Variants in SIDT1 observed in about 807,000 individuals in gnomAD.
SIDT1 encodes SID1 transmembrane family member 1, also known as SID1 transmembrane family, member 1.
In SIDT1, 101 loss-of-function variants were observed where a neutral mutation model predicts 107.5. That is an observed-to-expected ratio of 0.94 (90% CI 0.80 to 1.11). SIDT1 has a LOEUF of 1.11. SIDT1 is among the 50% of genes least tolerant of loss of function. The probability of loss-of-function intolerance (pLI) is 0.00; values close to 1 mark genes in which losing one functional copy is unlikely to be tolerated. For missense variants in SIDT1, 1,076 were observed against 1,058.2 expected, an observed-to-expected ratio of 1.02 and a Z score of -0.23; for synonymous variants, 395 against 398.2, an observed-to-expected ratio of 0.99 and a Z score of 0.10.
At chr3:113,614,304 C>T (rs566631982) in intron 19 of SIDT1, among the ~76,000 whole-genome samples, 3 of 152,282 alleles carry the variant, frequency 2.0e-5, no homozygotes, top group African/African-American at 4.8e-5. Context: ...CACACAGGCC[C>T]GCCTCCCCAG....
chr3:113,572,617 T>C (rs1240221580), intron 3 of SIDT1, among the ~76,000 whole-genome samples: 1 of 152,192 alleles, frequency 6.6e-6, no homozygotes, highest in Non-Finnish European at 1.5e-5. Flanking sequence ...AATGAAAAGT[T>C]ATCTGAATGG....
chr3:113,570,443 G>A (rs1285804119), intron 3 of SIDT1, among the ~76,000 whole-genome samples: 1 of 141,826 alleles, frequency 7.1e-6, no homozygotes, highest in East Asian at 2.5e-4. Context: ...TGTAGGAATG[G>A]TCTTCTGTAA....
chr3:113,636,200 T>C, the SIDT1 span, among the ~76,000 whole-genome samples: 2 of 151,442 alleles, frequency 1.3e-5, no homozygotes, highest in South Asian at 2.1e-4. Flanking sequence ...AGGTCAGGAG[T>C]TTGAGCCCAG....
intron 2 of SIDT1, 127 bp downstream of exon 2, chr3:113,566,668 G>C: frequency 9.5e-7 from 1 of 1,054,882 alleles, no homozygotes; most frequent in South Asian, 1.5e-5. Context: ...TTCTGCATAC[G>C]GGGTGCAAAT....
At chr3:113,615,405 A>G (rs1393480064) in intron 19 of SIDT1, among the ~76,000 whole-genome samples, 1 of 152,164 alleles carries the variant, frequency 6.6e-6, no homozygotes, top group Non-Finnish European at 1.5e-5. Flanking sequence ...CTGGCATTCG[A>G]TATCTGTGGT....
intron 24 of SIDT1, among the ~76,000 whole-genome samples, chr3:113,627,339 C>T (rs924343099): frequency 3.9e-5 from 6 of 152,192 alleles, no homozygotes; most frequent in African/African-American, 7.2e-5. Context: ...ATTTGTTTCA[C>T]GTCTAAAGCC....
rs557429391 is a variant in SIDT1, at chr3:113,603,357, A to G, written c.1263+207A>G. Reference sequence around the variant, plus strand: ...TCTCGCGGAAGAAAGTGAGCACATTAAAGAGCACAGGGCATTAAAACACTC... The same window carrying G: ...TCTCGCGGAAGAAAGTGAGCACATTGAAGAGCACAGGGCATTAAAACACTC... On this transcript the variant is annotated intron_variant, in intron 12 of 24. Coordinates refer to ENST00000264852, the MANE Select transcript of SIDT1 (RefSeq NM_017699.3). 2.6e-5 allele frequency among the ~76,000 whole-genome samples: 4 copies of G among 152,286 alleles called. No individual in the cohort carries two copies. The South Asian group carries it at 8.3e-4, about 32-fold the overall frequency.
intron 4 of SIDT1, among the ~76,000 whole-genome samples, chr3:113,578,941 C>T (rs1943125078): frequency 6.6e-6 from 1 of 152,160 alleles, no homozygotes; most frequent in Non-Finnish European, 1.5e-5. Context: ...AAACAAGTTC[C>T]TTGATATCTA....
At chr3:113,599,679 T>C (rs1172152325) in intron 10 of SIDT1, among the ~76,000 whole-genome samples, 1 of 152,146 alleles carries the variant, frequency 6.6e-6, no homozygotes, top group Non-Finnish European at 1.5e-5. Flanking sequence ...TGAAATCTTT[T>C]AAAAAGTAAA....
chr3:113,561,028 T>C (rs1000537540), intron 1 of SIDT1, among the ~76,000 whole-genome samples: 1 of 152,224 alleles, frequency 6.6e-6, no homozygotes, highest in African/African-American at 2.4e-5. Context: ...AAAGTGTTCT[T>C]GTTGTCATGA....
chr3:113,562,383 T>C (rs534462450), intron 1 of SIDT1, among the ~76,000 whole-genome samples: 1 of 152,174 alleles, frequency 6.6e-6, no homozygotes, highest in African/African-American at 2.4e-5. Flanking sequence ...CCCAAAAGAA[T>C]TGAAAATATA....
At position 113,566,743 on chromosome 3, in the gene SIDT1, G is replaced by T. The variant is rs373917459; in HGVS notation, c.344+202G>T. ...AATTATTAGATGAGCACTCTACCTA[G>T]ATTGGCCACACCTAGAAGAGCTTTT... On this transcript the variant is annotated intron_variant, in intron 2 of 24. Coordinates refer to ENST00000264852, the MANE Select transcript of SIDT1 (RefSeq NM_017699.3). Among the ~76,000 whole-genome samples, 4 of 152,152 alleles carry T rather than the reference G, an allele frequency of 2.6e-5. No individual in the cohort carries two copies. The South Asian group carries it at 8.3e-4, about 31-fold the overall frequency.
intron 21 of SIDT1, among the ~76,000 whole-genome samples, chr3:113,622,413 G>A (rs1255618666): frequency 1.5e-5 from 2 of 137,784 alleles, no homozygotes; most frequent in East Asian, 2.2e-4. Context: ...GCAGTGAGCC[G>A]AGATGGTGCC....
At position 113,608,137 on chromosome 3, in the gene SIDT1, G is replaced by A; in HGVS notation, c.1522G>A (p.Gly508Ser). Residue 508 changes from glycine to serine, a missense_variant, in exon 16 of 25, where the codon GGC becomes AGC. By Grantham distance (56) the Gly-to-Ser change is moderately conservative (BLOSUM62 0). Coordinates refer to ENST00000264852, the MANE Select transcript of SIDT1 (RefSeq NM_017699.3). ...CAGCAATCTGGGCCACGTGCTTCTG[G>A]GCTTCCTCTTCCTGCTGATAGTCTT... ...ILSNLGHVLL[G>S]FLFLLIVLRR... 1.2e-6 allele frequency: 2 copies of A among 1,612,240 alleles called. No individual in the cohort carries two copies. Among genetic ancestry groups the A allele is most frequent in the Non-Finnish European group, 8.5e-7 (1 of 1,179,268 alleles).
intron 1 of SIDT1, among the ~76,000 whole-genome samples, chr3:113,559,439 T>A (rs56343527): frequency 0.035 from 4,938 of 139,958 alleles, 137 homozygotes; most frequent in African/African-American, 0.087. Context: ...TTATTTATTT[T>A]TTTTTTTTTT....
At chr3:113,565,217 A>G (rs1404765985) in intron 1 of SIDT1, among the ~76,000 whole-genome samples, 1 of 152,194 alleles carries the variant, frequency 6.6e-6, no homozygotes, top group Non-Finnish European at 1.5e-5. Context: ...GTTCTCTTAC[A>G]TGTTGCCTAT....
intron 13 of SIDT1, 86 bp downstream of exon 13, chr3:113,604,119 T>G: frequency 1.0e-6 from 1 of 955,118 alleles, no homozygotes; most frequent in Non-Finnish European, 1.6e-6. Flanking sequence ...GCACAAGGTT[T>G]TAGTGTTTAA....
intron 1 of SIDT1, among the ~76,000 whole-genome samples, chr3:113,557,456 A>G (rs1940999671): frequency 6.6e-6 from 1 of 152,196 alleles, no homozygotes; most frequent in Non-Finnish European, 1.5e-5. Context: ...CAATGACTGA[A>G]ATACTTATAA....
intron 15 of SIDT1, among the ~76,000 whole-genome samples, chr3:113,607,642 G>A (rs1020098210): frequency 8.5e-5 from 13 of 152,318 alleles, no homozygotes; most frequent in South Asian, 4.1e-4. Flanking sequence ...CTGAACCAGC[G>A]TTCGTTTCCT....
Sources: allele counts gnomAD v4.1 joint callset (sites outside exome capture counted in the v4.1 genomes callset), GRCh38; gene constraint gnomAD v4.1.1; transcripts MANE v1.5; gene names NCBI Gene and HGNC (gene_info 2026-07-23, HGNC 2026-07-21).